The following CSMD1 variants were observed in gnomAD, a reference collection of about 807,000 sequenced individuals.
CSMD1 encodes CUB and Sushi multiple domains 1.
CSMD1 carries 213 observed loss-of-function variants against 417.5 expected under a neutral mutation model. The ratio of observed to expected loss-of-function variants is 0.51; its 90% CI spans 0.46 to 0.57. CSMD1 has a LOEUF of 0.57. Ranked by LOEUF, CSMD1 falls within the 20% of genes least tolerant of loss-of-function variation. CSMD1 has a pLI of 0.00. For synonymous variants in CSMD1, 2,862 were observed against 1,736.8 expected, an observed-to-expected ratio of 1.65 and a Z score of -16.11; for missense variants, 6,923 against 4,529.7, an observed-to-expected ratio of 1.53 and a Z score of -15.17.
At chr8:3,068,074 G>T (rs1028075252) in intron 49 of CSMD1, among the ~76,000 whole-genome samples, 1 of 152,034 alleles carries the variant, frequency 6.6e-6, no homozygotes, top group Non-Finnish European at 1.5e-5. Flanking sequence ...ATCCAAAAGG[G>T]AAATCTCACT....
intron 5 of CSMD1, among the ~76,000 whole-genome samples, chr8:3,890,377 T>C (rs4875793): frequency 0.57 from 86,930 of 151,796 alleles, 26,581 homozygotes; most frequent in Admixed American, 0.69. Flanking sequence ...GGTATTTTAA[T>C]AGACTGTGGA....
chr8:3,985,182 T>C (rs1200939634), intron 5 of CSMD1, among the ~76,000 whole-genome samples: 2 of 152,146 alleles, frequency 1.3e-5, no homozygotes, highest in South Asian at 2.1e-4. Context: ...TTGTCCCTTC[T>C]CACAGTTTGT....
chr8:3,647,618 T>C (rs568564920), intron 7 of CSMD1, among the ~76,000 whole-genome samples: 9 of 152,262 alleles, frequency 5.9e-5, no homozygotes, highest in East Asian at 3.9e-4. Context: ...ACATTTGAAA[T>C]GTGGTATGCT....
chr8:4,432,793 G>T (rs770475886), intron 2 of CSMD1, among the ~76,000 whole-genome samples: 6 of 152,154 alleles, frequency 3.9e-5, no homozygotes, highest in Non-Finnish European at 7.4e-5. Flanking sequence ...AGTAATTTTG[G>T]TTATTGATTA....
intron 1 of CSMD1, among the ~76,000 whole-genome samples, chr8:4,975,884 G>C (rs376364664): frequency 1.3e-5 from 2 of 152,124 alleles, no homozygotes; most frequent in Non-Finnish European, 2.9e-5. Context: ...AAACCAATTA[G>C]AGGATTAAAT....
At chr8:4,416,280 G>A (rs948751954) in intron 3 of CSMD1, among the ~76,000 whole-genome samples, 1 of 152,064 alleles carries the variant, frequency 6.6e-6, no homozygotes, top group Non-Finnish European at 1.5e-5. Context: ...GGATCATAAA[G>A]AATACAATTA....
intron 39 of CSMD1, among the ~76,000 whole-genome samples, chr8:3,156,681 G>C (rs954481941): frequency 6.6e-6 from 1 of 151,976 alleles, no homozygotes; most frequent in Non-Finnish European, 1.5e-5. Flanking sequence ...AAAAAGAAAG[G>C]CAGAAAATCT....
At chr8:3,045,193 G>A (rs1022012561) in intron 50 of CSMD1, among the ~76,000 whole-genome samples, 15 of 152,054 alleles carry the variant, frequency 9.9e-5, no homozygotes, top group East Asian at 1.9e-4. Flanking sequence ...TATTATAAAC[G>A]TTACATTTAT....
At chr8:3,053,853 G>C (rs540575736) in intron 49 of CSMD1, among the ~76,000 whole-genome samples, 90 of 152,266 alleles carry the variant, frequency 5.9e-4, no homozygotes, top group African/African-American at 2.0e-3. Flanking sequence ...ACTAAATAAA[G>C]AGCCTTCTTT....
intron 3 of CSMD1, among the ~76,000 whole-genome samples, chr8:4,145,204 T>C (rs1420823785): frequency 6.6e-6 from 1 of 151,060 alleles, no homozygotes; most frequent in Non-Finnish European, 1.5e-5. Context: ...GTGTTTATAT[T>C]GAGTACAGAT....
chr8:3,501,562 T>C (rs905701030), intron 10 of CSMD1, among the ~76,000 whole-genome samples: 3 of 152,162 alleles, frequency 2.0e-5, no homozygotes, highest in Non-Finnish European at 4.4e-5. Context: ...AGGTTTGAAA[T>C]TAATGGGTTA....
intron 5 of CSMD1, among the ~76,000 whole-genome samples, chr8:3,984,899 C>T (rs1406771838): frequency 6.6e-6 from 1 of 151,720 alleles, no homozygotes; most frequent in Non-Finnish European, 1.5e-5. Context: ...AAAACGAATA[C>T]TTTATTTCAA....
intron 3 of CSMD1, among the ~76,000 whole-genome samples, chr8:4,115,914 G>C (rs10282820): frequency 0.99 from 150,364 of 151,978 alleles, 74,409 homozygotes; most frequent in East Asian, 1. Flanking sequence ...GTGGTTGCCA[G>C]TGACTGGGGG....
In CSMD1 at chr8:3,759,469, G is replaced by C. The variant is rs149331950; in HGVS notation, c.819-5427C>G. ...TCCTGGAAGTCTTCTACAGCTGTTA[G>C]CCACACTTCTTTTAGGCCTGCTGGA... On this transcript the variant is annotated intron_variant, in intron 5 of 69. Coordinates refer to ENST00000635120, the MANE Select transcript of CSMD1 (RefSeq NM_033225.6). Among the ~76,000 whole-genome samples, 16 of 152,246 alleles carry C rather than the reference G, an allele frequency of 1.1e-4. No homozygotes were observed. In the East Asian group the frequency reaches 3.1e-3, roughly 29 times the overall value.
chr8:3,410,631 G>C (rs1034622597), intron 12 of CSMD1, among the ~76,000 whole-genome samples: 2 of 152,226 alleles, frequency 1.3e-5, no homozygotes, highest in Non-Finnish European at 2.9e-5. Flanking sequence ...GGAACTGTAA[G>C]TCCATTAAAC....
intron 3 of CSMD1, among the ~76,000 whole-genome samples, chr8:4,226,699 C>T (rs908269533): frequency 6.6e-6 from 1 of 151,698 alleles, no homozygotes; most frequent in Non-Finnish European, 1.5e-5. Flanking sequence ...ATTTTACGTC[C>T]TCTTTAAAAA....
At chr8:3,416,980 T>C (rs1040049152) in intron 12 of CSMD1, among the ~76,000 whole-genome samples, 2 of 152,228 alleles carry the variant, frequency 1.3e-5, no homozygotes, top group South Asian at 2.1e-4. Context: ...TAAATCTCAA[T>C]AGATGACTAT....
At chr8:4,074,081 T>G (rs1036875122) in intron 3 of CSMD1, among the ~76,000 whole-genome samples, 2 of 152,072 alleles carry the variant, frequency 1.3e-5, no homozygotes, top group African/African-American at 4.8e-5. Flanking sequence ...AATAGACAAA[T>G]TTTGTAATAT....
chr8:3,409,625 T>C lies in CSMD1; in HGVS notation c.1562-20A>G, dbSNP rs1024789671. The C allele has an allele frequency of 2.6e-6, 4 of 1,542,354 alleles. No individual in the cohort carries two copies. The highest frequency in any genetic ancestry group is 2.6e-6 in the Non-Finnish European group (3 of 1,136,790). ...CAATTTCTGAAAATGGAAAAACAAA[T>C]GAACCCTTAAAAAAACACACACAAG... On this transcript the variant is annotated intron_variant, in intron 12 of 69. Transcript: ENST00000635120.
Sources: allele counts gnomAD v4.1 joint callset (sites outside exome capture counted in the v4.1 genomes callset), GRCh38; gene constraint gnomAD v4.1.1; transcripts MANE v1.5; gene names NCBI Gene and HGNC (gene_info 2026-07-23, HGNC 2026-07-21).